FSHR: variants seen among roughly 807,000 people sequenced by gnomAD.
FSHR encodes the protein follicle-stimulating hormone receptor.
Under a neutral mutation model 52.1 loss-of-function variants are expected in FSHR, and 46 were observed. The observed-to-expected ratio is 0.88, with a 90% CI of 0.70 to 1.13. The LOEUF (loss-of-function observed/expected upper bound fraction) is 1.13. FSHR is among the 50% of genes most tolerant of loss of function. FSHR has a pLI of 0.00. For synonymous variants in FSHR, 399 were observed against 309.6 expected, an observed-to-expected ratio of 1.29 and a Z score of -3.03; for missense variants, 964 against 834.6, an observed-to-expected ratio of 1.16 and a Z score of -1.91.
intron 2 of FSHR, among the ~76,000 whole-genome samples, chr2:49,058,670 A>C (rs1311626997): frequency 2.0e-5 from 3 of 146,456 alleles, no homozygotes; most frequent in East Asian, 3.9e-4. Flanking sequence ...AAACTACCTG[A>C]AAAAAAAATA....
At chr2:48,995,304 T>G (rs1213588136) in intron 4 of FSHR, among the ~76,000 whole-genome samples, 1 of 152,106 alleles carries the variant, frequency 6.6e-6, no homozygotes, top group Non-Finnish European at 1.5e-5. Context: ...TGTATGCTAC[T>G]GATTGTGAAT....
intron 8 of FSHR, among the ~76,000 whole-genome samples, chr2:48,977,039 C>T (rs753479588): frequency 3.9e-5 from 6 of 151,978 alleles, no homozygotes; most frequent in Non-Finnish European, 5.9e-5. Context: ...CACCATGGCA[C>T]GTGTACACCT....
At chr2:48,979,724 A>C (rs971746361) in intron 8 of FSHR, among the ~76,000 whole-genome samples, 2 of 152,022 alleles carry the variant, frequency 1.3e-5, no homozygotes, top group Non-Finnish European at 2.9e-5. Context: ...CATTACCCTG[A>C]TTCTGCTTCC....
chr2:49,091,335 G>T (rs185794512), intron 1 of FSHR, among the ~76,000 whole-genome samples: 3 of 152,250 alleles, frequency 2.0e-5, no homozygotes, highest in Middle Eastern at 3.4e-3. Flanking sequence ...ACATGGTCTT[G>T]TTCTGTCACT....
At chr2:49,132,416 A>G (rs1384528761) in intron 1 of FSHR, among the ~76,000 whole-genome samples, 1 of 152,166 alleles carries the variant, frequency 6.6e-6, no homozygotes, top group Admixed American at 6.6e-5. Flanking sequence ...ACTGGAAAGC[A>G]TCTTTTCAGT....
intron 1 of FSHR, among the ~76,000 whole-genome samples, chr2:49,084,533 TC>T (rs1268426495): frequency 6.6e-6 from 1 of 151,998 alleles, no homozygotes; most frequent in Admixed American, 6.6e-5. Context: ...AAAAAACCTT[TC>T]AAAAAATTAA....
rs112584906 is a variant in FSHR, at chr2:49,145,040, G to T, written c.152+9226C>A. ...AGCTCTGGTCTTTTACTAGATTCAG[G>T]ATCATCCCAGCTGCTTTGGGGGAAG... is the stretch of plus-strand genomic sequence containing the variant. On this transcript the variant is annotated intron_variant, in intron 1 of 9. Transcript: ENST00000406846. Among the ~76,000 whole-genome samples, 491 of 152,174 alleles carry T rather than the reference G, an allele frequency of 3.2e-3. 3 individuals are homozygous for T. The highest frequency in any genetic ancestry group is 0.011 in the African/African-American group (468 of 41,534).
intron 2 of FSHR, among the ~76,000 whole-genome samples, chr2:49,051,829 G>A (rs2134811): frequency 0.51 from 78,009 of 151,810 alleles, 21,629 homozygotes; most frequent in East Asian, 0.71. Flanking sequence ...TAGTTTTTGC[G>A]TTTAAGTCAA....
chr2:49,020,389 A>G (rs747028864), intron 2 of FSHR, among the ~76,000 whole-genome samples: 5 of 152,220 alleles, frequency 3.3e-5, no homozygotes, highest in Admixed American at 6.5e-5. Flanking sequence ...CTTGGAGATT[A>G]TCCAGTCTAT....
At chr2:49,121,981 A>G (rs1288814461) in intron 1 of FSHR, among the ~76,000 whole-genome samples, 2 of 152,092 alleles carry the variant, frequency 1.3e-5, no homozygotes, top group Non-Finnish European at 2.9e-5. Context: ...CTCCTTTTGT[A>G]TTTACCTCCT....
At chr2:49,139,576 TA>T (rs1310837408) in intron 1 of FSHR, among the ~76,000 whole-genome samples, 1 of 149,480 alleles carries the variant, frequency 6.7e-6, no homozygotes, top group Non-Finnish European at 1.5e-5. Context: ...CCTTTAAAGG[TA>T]AAGATTTTTA....
chr2:49,073,182 C>T (rs937233947), intron 1 of FSHR, among the ~76,000 whole-genome samples: 1 of 152,004 alleles, frequency 6.6e-6, no homozygotes, highest in Non-Finnish European at 1.5e-5. Context: ...CACTTTTATT[C>T]ATAATTATAC....
intron 1 of FSHR, among the ~76,000 whole-genome samples, chr2:49,081,477 G>A (rs1433963381): frequency 6.6e-6 from 1 of 152,064 alleles, no homozygotes; most frequent in Admixed American, 6.6e-5. Flanking sequence ...TAATTTTCAA[G>A]ATTGAAATTC....
intron 2 of FSHR, among the ~76,000 whole-genome samples, chr2:49,050,682 G>A (rs908490891): frequency 6.6e-6 from 1 of 152,150 alleles, no homozygotes; most frequent in African/African-American, 2.4e-5. Flanking sequence ...TATACAGTGT[G>A]AGTTAACTGA....
At chr2:49,118,184 G>C (rs1053196877) in intron 1 of FSHR, among the ~76,000 whole-genome samples, 2 of 152,120 alleles carry the variant, frequency 1.3e-5, no homozygotes, top group African/African-American at 2.4e-5. Flanking sequence ...TGAGCATTCT[G>C]CAAGAGGGGC....
At chr2:49,089,080 T>G (rs1670502595) in intron 1 of FSHR, among the ~76,000 whole-genome samples, 1 of 123,152 alleles carries the variant, frequency 8.1e-6, no homozygotes, top group Non-Finnish European at 1.7e-5. Flanking sequence ...CAATTGTGTA[T>G]CCAAATTCAC....
intron 2 of FSHR, among the ~76,000 whole-genome samples, chr2:49,029,955 G>GCTTT (rs1668042100): frequency 6.6e-6 from 1 of 152,174 alleles, no homozygotes; most frequent in East Asian, 1.9e-4. Flanking sequence ...ATGACAGCCA[G>GCTTT]CTTTCATTTT....
intron 1 of FSHR, among the ~76,000 whole-genome samples, chr2:49,112,719 A>AG (rs1553348465): frequency 6.6e-6 from 1 of 152,178 alleles, no homozygotes; most frequent in Non-Finnish European, 1.5e-5. Flanking sequence ...GGAGAGAAAA[A>AG]TTTCCTAATA....
rs374249922 is a variant in FSHR at position 49,045,746 on chromosome 2, C to T, written c.224+22473G>A. ...TTTACTGCTTGGATTAGACATCCATCCGCTTCTAAAACATCCTTTTTTTCC... is the reference window on the plus strand; with the variant it reads ...TTTACTGCTTGGATTAGACATCCATTCGCTTCTAAAACATCCTTTTTTTCC... On this transcript the variant is annotated intron_variant, in intron 2 of 9. Coordinates refer to ENST00000406846, the MANE Select transcript of FSHR (RefSeq NM_000145.4). 7.2e-5 allele frequency among the ~76,000 whole-genome samples: 11 copies of T among 152,290 alleles called. 1 individual carries two copies. In the South Asian group the frequency reaches 2.1e-3, roughly 29 times the overall value.
Sources: gnomAD v4.1 joint callset for allele counts (sites outside exome capture counted in the v4.1 genomes callset) on GRCh38, gnomAD v4.1.1 for gene constraint, MANE v1.5 for transcripts, NCBI Gene and HGNC (gene_info 2026-07-23, HGNC 2026-07-21) for gene names.